GATA6: variants seen among roughly 807,000 people sequenced by gnomAD.
The protein encoded by GATA6 is GATA binding protein 6.
GATA6 carries 11 observed loss-of-function variants against 48.1 expected under a neutral mutation model. The observed-to-expected ratio is 0.23, with a 90% CI of 0.14 to 0.38. The LOEUF is 0.38. Among genes scored for constraint, GATA6 ranks in the 10% least tolerant of loss-of-function variants. The pLI is 1.00. For missense variants in GATA6, 795 were observed against 850.3 expected, an observed-to-expected ratio of 0.93 and a Z score of 0.81; for synonymous variants, 419 against 396.1, an observed-to-expected ratio of 1.06 and a Z score of -0.69.
intron 2 of GATA6, among the ~76,000 whole-genome samples, chr18:22,173,118 G>C (rs2033077659): frequency 6.6e-6 from 1 of 152,198 alleles, no homozygotes; most frequent in South Asian, 2.1e-4. Flanking sequence ...GGAGCCATTA[G>C]GGGGTAAACC....
At position 22,200,858 on chromosome 18, in the gene GATA6, G is replaced by A; in HGVS notation, c.*35G>A. On this transcript the variant is annotated 3_prime_UTR_variant, in exon 7 of 7. Coordinates refer to ENST00000269216, the MANE Select transcript of GATA6 (RefSeq NM_005257.6). ...GCCAGGAGGCAGGGAGGGCTCCGCC[G>A]CGGGCCTCACTCCACTCGTGTCTGC... is the stretch of plus-strand genomic sequence containing the variant. 6.3e-7 allele frequency: 1 copy of A among 1,580,604 alleles called. No individual in the cohort carries two copies. Among genetic ancestry groups the A allele is most frequent in the Non-Finnish European group, 8.6e-7 (1 of 1,162,850 alleles).
chr18:22,185,096 T>TAGCA lies in GATA6; in HGVS notation c.1620+2056_1620+2059dup, dbSNP rs2033248607. Among the ~76,000 whole-genome samples, 1 of 152,208 alleles carries TAGCA rather than the reference T, an allele frequency of 6.6e-6. No homozygotes were observed. Among genetic ancestry groups the TAGCA allele is most frequent in the Admixed American group, 6.5e-5 (1 of 15,286 alleles). ...GACGTAAAATTTCAAAATTTGCTAT[T>TAGCA]AGCAAGTCCTATCGGTTGCTGTCCA... On this transcript the variant is annotated intron_variant, in intron 6 of 6. Coordinates refer to ENST00000269216, the MANE Select transcript of GATA6 (RefSeq NM_005257.6). This position sits in a 1 kb window ranked among gnomAD's most constrained non-coding sequence, Gnocchi z 4.3.
At chr18:22,194,285 A>G (rs1235996952) in intron 6 of GATA6, among the ~76,000 whole-genome samples, 1 of 152,212 alleles carries the variant, frequency 6.6e-6, no homozygotes, top group African/African-American at 2.4e-5. Context: ...TGGCCCTGAT[A>G]ACACATTCTT....
At chr18:22,180,816 T>C (rs528161238) in intron 3 of GATA6, among the ~76,000 whole-genome samples, 1 of 152,222 alleles carries the variant, frequency 6.6e-6, no homozygotes, top group East Asian at 1.9e-4. Context: ...CCTGGTGATC[T>C]CCGGTTTTCA....
At position 22,183,396 on chromosome 18, in the gene GATA6, A is replaced by G. The variant is rs1035287725; in HGVS notation, c.1620+353A>G. Among the ~76,000 whole-genome samples, 3 of 152,334 alleles carry G rather than the reference A, an allele frequency of 2.0e-5. No individual in the cohort carries two copies. In the East Asian group the frequency reaches 5.8e-4, roughly 29 times the overall value. On this transcript the variant is annotated intron_variant, in intron 6 of 6. Transcript: ENST00000269216. ...TATTTATGTATTTCCGATGTAGATCATAAGAACTATGAGGCCAGTGGTTTC... is the reference window on the plus strand; with the variant it reads ...TATTTATGTATTTCCGATGTAGATCGTAAGAACTATGAGGCCAGTGGTTTC...
intron 6 of GATA6, among the ~76,000 whole-genome samples, chr18:22,196,065 C>A (rs1295693122): frequency 6.6e-5 from 10 of 152,206 alleles, no homozygotes; most frequent in Non-Finnish European, 1.3e-4. Context: ...TTAGCTCCGC[C>A]AGCCATGAGT....
intron 6 of GATA6, among the ~76,000 whole-genome samples, chr18:22,191,402 C>T (rs960503793): frequency 1.1e-5 from 1 of 90,570 alleles, no homozygotes; most frequent in Non-Finnish European, 2.0e-5. Context: ...ACAAAATTGT[C>T]AGAAAACATG....
chr18:22,200,121 C>T (rs1286111297), intron 6 of GATA6, among the ~76,000 whole-genome samples: 1 of 152,034 alleles, frequency 6.6e-6, no homozygotes, highest in South Asian at 2.1e-4. Context: ...TTGAACTGTG[C>T]AGCTTTTCTA....
chr18:22,173,355 T>TG (rs957163697), intron 2 of GATA6, among the ~76,000 whole-genome samples: 5 of 152,076 alleles, frequency 3.3e-5, no homozygotes, highest in Admixed American at 2.6e-4. Flanking sequence ...AGGGGAGGTG[T>TG]GGGGGAGGCC....
chr18:22,177,952 G>GTTTTTTTTTTT (rs775374335), intron 3 of GATA6, among the ~76,000 whole-genome samples: 30 of 80,456 alleles, frequency 3.7e-4, no homozygotes, highest in Admixed American at 5.1e-4. Context: ...CTGTTTTTTT[G>GTTTTTTTTTTT]TTTTTTTTTT....
At chr18:22,174,794 G>A (rs1007901968) in intron 2 of GATA6, among the ~76,000 whole-genome samples, 4 of 151,506 alleles carry the variant, frequency 2.6e-5, no homozygotes, top group Admixed American at 2.6e-4. Context: ...GCTAAAACCT[G>A]AGTGCTGAAC....
chr18:22,171,791 C>A lies in GATA6; in HGVS notation c.647C>A (p.Ala216Glu), dbSNP rs2033053804. ...TCGGGCAGTGGGCCAGCCAACCACG[C>A]GGGCGGCGCGGGCGCGCACCCCGGC... ...QGSGSGPANH[A>E]GGAGAHPGWP... Residue 216 changes from alanine to glutamate, a missense_variant, in exon 2 of 7, where the codon GCG becomes GAG. Around this residue, in one of 5 missense-constraint regions of GATA6, gnomAD observed 591 missense variants for 570.0 expected, o/e 1.04. Coordinates refer to ENST00000269216, the MANE Select transcript of GATA6 (RefSeq NM_005257.6). This position sits in a 1 kb window ranked among gnomAD's most constrained non-coding sequence, Gnocchi z 7.1. 2 of 1,304,502 alleles carry A rather than the reference C, an allele frequency of 1.5e-6. No individual in the cohort carries two copies. The highest frequency in any genetic ancestry group is 3.1e-5 in the African/African-American group (2 of 64,174). The allele number at this position is 1,304,502 out of a possible 1,614,324, so 80.8% of individuals were successfully genotyped here. A position where few individuals can be genotyped will look rare whatever the true frequency, so the allele number is the denominator to read the frequency against.
intron 2 of GATA6, among the ~76,000 whole-genome samples, chr18:22,176,103 A>G (rs985302935): frequency 5.3e-5 from 8 of 152,346 alleles, no homozygotes; most frequent in African/African-American, 1.9e-4. Flanking sequence ...AAAGAATAAT[A>G]ATAATAAAAT....
rs1339483342 is a variant in GATA6 at position 22,171,447 on chromosome 18, C to G, written c.303C>G (p.Gly101=). The G allele has an allele frequency of 6.3e-7, 1 of 1,595,294 alleles. No individual in the cohort carries two copies. The highest frequency in any genetic ancestry group is 1.7e-5 in the Admixed American group (1 of 59,532). Residue 101 remains glycine (G), a synonymous_variant, in exon 2 of 7, where the codon GGC becomes GGG. Transcript: ENST00000269216. The surrounding 1 kb of genome is among the most constrained non-coding windows in gnomAD (Gnocchi z 7.1). The stretch of plus-strand genomic sequence containing the variant: ...GACCTTCGGCGCCTGGGGTCGCGGG[C>G]CCCGGGGGCAACCTGTCGAGCTGGG... ...PHGPSAPGVA[G]PGGNLSSWED...
In GATA6 at chr18:22,171,134, C is replaced by T. The variant is rs1322439501; in HGVS notation, c.-11C>T. 6.3e-7 allele frequency: 1 copy of T among 1,599,390 alleles called. No homozygotes were observed. Among genetic ancestry groups the T allele is most frequent in the Non-Finnish European group, 8.5e-7 (1 of 1,179,328 alleles). Reference sequence around the variant, plus strand: ...AGCTAGACGTCAGCTTGGAGCGGCGCCGGACCGTGGATGGCCTTGACTGAC... The same window carrying T: ...AGCTAGACGTCAGCTTGGAGCGGCGTCGGACCGTGGATGGCCTTGACTGAC... On this transcript the variant is annotated 5_prime_UTR_variant, in exon 2 of 7. Coordinates refer to ENST00000269216, the MANE Select transcript of GATA6 (RefSeq NM_005257.6). This position sits in a 1 kb window ranked among gnomAD's most constrained non-coding sequence, Gnocchi z 7.1.
Position 22,171,948 on chromosome 18 carries a change from C to T in GATA6, c.804C>T (p.Ser268=). Residue 268 remains serine, a synonymous_variant, in exon 2 of 7, where the codon AGC becomes AGT. Transcript: ENST00000269216. This position sits in a 1 kb window ranked among gnomAD's most constrained non-coding sequence, Gnocchi z 7.1. ...HVSARFPYSP[S]PPMANGAARE... ...CGGCGCGCTTCCCCTACTCTCCCAG[C>T]CCGCCCATGGCCAACGGCGCCGCGC... The T allele has an allele frequency of 8.4e-7, 1 of 1,197,322 alleles. No individual in the cohort carries two copies. The allele number at this position is 1,197,322 out of a possible 1,614,324, so 74.2% of individuals were successfully genotyped here. A position where few individuals can be genotyped will look rare whatever the true frequency, so the allele number is the denominator to read the frequency against.
chr18:22,176,764 A>G (rs1308579965), intron 2 of GATA6, 191 bp from the exon 3 acceptor site: 12 of 624,292 alleles, frequency 1.9e-5, no homozygotes, highest in Non-Finnish European at 2.7e-5. Context: ...GTATTGGACA[A>G]ATGGTCAGTG....
chr18:22,198,902 C>T (rs192237339), intron 6 of GATA6, among the ~76,000 whole-genome samples: 2 of 152,306 alleles, frequency 1.3e-5, no homozygotes, highest in East Asian at 3.9e-4. Context: ...CTAAAACCCT[C>T]AGTTTAAGTC....
chr18:22,173,016 A>C (rs1034254335), intron 2 of GATA6, among the ~76,000 whole-genome samples: 13 of 152,212 alleles, frequency 8.5e-5, no homozygotes, highest in African/African-American at 3.1e-4. Context: ...GCTGCAACTC[A>C]GGGATCCTGG....
Sources: allele counts gnomAD v4.1 joint callset (sites outside exome capture counted in the v4.1 genomes callset), GRCh38; gene constraint gnomAD v4.1.1; regional missense constraint gnomAD v4.1.1; non-coding constraint Gnocchi (gnomAD v3.1); transcripts MANE v1.5; gene names NCBI Gene and HGNC (gene_info 2026-07-23, HGNC 2026-07-21).